MYRIP: variants seen among roughly 807,000 people sequenced by gnomAD.
MYRIP encodes the protein myosin VIIA and Rab interacting protein, also known as rab effector MyRIP.
MYRIP carries 49 observed loss-of-function variants against 98.0 expected under a neutral mutation model. That is an observed-to-expected ratio of 0.50 (90% CI 0.40 to 0.63). The LOEUF (loss-of-function observed/expected upper bound fraction) is 0.63. Among genes scored for constraint, MYRIP ranks in the 30% least tolerant of loss-of-function variants. The pLI is 0.00. For missense variants in MYRIP, 1,004 were observed against 1,058.2 expected (o/e 0.95, Z 0.71); for synonymous variants, 404 against 409.5 (o/e 0.99, Z 0.16).
intron 2 of MYRIP, among the ~76,000 whole-genome samples, chr3:39,931,943 G>A (rs2034958): frequency 0.66 from 100,568 of 152,068 alleles, 35,148 homozygotes; most frequent in African/African-American, 0.9. Flanking sequence ...ATCTATATTC[G>A]TAAGGAATAT....
intron 16 of MYRIP, among the ~76,000 whole-genome samples, chr3:40,256,697 A>C (rs1245706971): frequency 1.3e-5 from 2 of 152,194 alleles, no homozygotes; most frequent in African/African-American, 2.4e-5. Context: ...AAACTAACTT[A>C]AGAAATAAAA....
chr3:40,208,940 A>G (rs968567928), intron 10 of MYRIP: 2 of 152,360 alleles, frequency 1.3e-5, no homozygotes, highest in South Asian at 2.1e-4. Flanking sequence ...GATAGAAGGA[A>G]TGAGTTCTTA....
chr3:40,073,067 A>G (rs1191993772), intron 3 of MYRIP, among the ~76,000 whole-genome samples: 5 of 152,210 alleles, frequency 3.3e-5, no homozygotes, highest in Non-Finnish European at 7.3e-5. Context: ...AACGTACAAG[A>G]GAAATTAGAA....
chr3:39,918,890 T>C (rs1329488754), intron 2 of MYRIP, among the ~76,000 whole-genome samples: 1 of 152,134 alleles, frequency 6.6e-6, no homozygotes, highest in Non-Finnish European at 1.5e-5. Context: ...TCAGGGAGAC[T>C]AGATGGTAAA....
intron 3 of MYRIP, among the ~76,000 whole-genome samples, chr3:40,096,818 C>T (rs760706053): frequency 2.6e-5 from 4 of 152,198 alleles, no homozygotes; most frequent in Non-Finnish European, 5.9e-5. Flanking sequence ...AAACTTTCTT[C>T]ACCAGGCAAA....
At chr3:39,948,661 AAG>A (rs1208068953) in intron 2 of MYRIP, among the ~76,000 whole-genome samples, 1 of 152,096 alleles carries the variant, frequency 6.6e-6, no homozygotes, top group Admixed American at 6.6e-5. Flanking sequence ...TTAAGAGTCA[AAG>A]AGAGGATTGA....
At chr3:39,810,048 G>C (rs1230313990) in intron 1 of MYRIP, 132 bp downstream of exon 1, 1 of 152,374 alleles carries the variant, frequency 6.6e-6, no homozygotes, top group Non-Finnish European at 1.5e-5. Context: ...CACCCTGTGC[G>C]CGTCCGGAGC....
chr3:39,989,744 C>CT (rs1451494387), intron 2 of MYRIP, among the ~76,000 whole-genome samples: 1 of 152,224 alleles, frequency 6.6e-6, no homozygotes, highest in African/African-American at 2.4e-5. Context: ...TAGGGAGGCC[C>CT]TGCCTTGATG....
chr3:40,077,327 C>A (rs1366556545), intron 3 of MYRIP, among the ~76,000 whole-genome samples: 9 of 152,218 alleles, frequency 5.9e-5, no homozygotes, highest in Admixed American at 5.9e-4. Context: ...ATTCTCTTAT[C>A]TGGCCCCACC....
At chr3:39,820,207 C>T (rs987429502) in intron 1 of MYRIP, among the ~76,000 whole-genome samples, 1 of 152,210 alleles carries the variant, frequency 6.6e-6, no homozygotes, top group African/African-American at 2.4e-5. Context: ...TCTTCTGACA[C>T]TGAATCCTGG....
At chr3:39,999,761 G>C (rs577644718) in intron 2 of MYRIP, among the ~76,000 whole-genome samples, 1 of 152,172 alleles carries the variant, frequency 6.6e-6, no homozygotes, top group Non-Finnish European at 1.5e-5. Flanking sequence ...CGATAGCAAA[G>C]ACTTGGAACC....
Position 40,250,325 on chromosome 3 carries a change from A to G in MYRIP, c.2366A>G (p.Gln789Arg). 1 of 1,613,826 alleles carries G rather than the reference A, an allele frequency of 6.2e-7. No homozygotes were observed. Among genetic ancestry groups the G allele is most frequent in the South Asian group, 1.1e-5 (1 of 91,076 alleles). ...TRRRDQKQRT[Q>R]VQTIDTSRQQ... ...AGACGGGATCAGAAGCAAAGGACCC[A>G]GGTGTGTTTGTCCCTTTCTCCCTCT... The change falls in exon 14 of 17, where the codon CAG (glutamine) becomes CGG (arginine). Residue 789 changes from glutamine to arginine, a missense_variant and splice_region_variant. This residue lies in a region of MYRIP where 108 missense variants were observed against 111.1 expected (regional missense o/e 0.97). Transcript: ENST00000302541.
At chr3:40,120,467 G>C (rs770474371) in intron 3 of MYRIP, among the ~76,000 whole-genome samples, 3 of 152,216 alleles carry the variant, frequency 2.0e-5, no homozygotes, top group Non-Finnish European at 4.4e-5. Context: ...GCTCACATCA[G>C]TGTGTCAGGA....
chr3:40,057,319 G>A (rs562069183), intron 3 of MYRIP, among the ~76,000 whole-genome samples: 37 of 152,314 alleles, frequency 2.4e-4, no homozygotes, highest in African/African-American at 6.7e-4. Context: ...ACTCATCAAA[G>A]CCGGCTTGTT....
At chr3:39,855,924 C>A (rs763075613) in intron 1 of MYRIP, among the ~76,000 whole-genome samples, 4 of 152,278 alleles carry the variant, frequency 2.6e-5, no homozygotes, top group Non-Finnish European at 5.9e-5. Context: ...CTGCTGGCTG[C>A]CTTCTTGAGG....
chr3:40,132,661 G>C lies in MYRIP; in HGVS notation c.333-18387G>C, dbSNP rs187279220. Among the ~76,000 whole-genome samples, 10 of 152,366 alleles carry C rather than the reference G, an allele frequency of 6.6e-5. No homozygotes were observed. The East Asian group carries it at 1.9e-3, about 29-fold the overall frequency. ...GACTCTTTGGGAAGCCCCACCCTGG[G>C]GGCATGAGAGTACTACCTAGCCTTT... On this transcript the variant is annotated intron_variant, in intron 3 of 16. Transcript: ENST00000302541.
chr3:40,093,234 T>G (rs543731279), intron 3 of MYRIP, among the ~76,000 whole-genome samples: 5 of 152,322 alleles, frequency 3.3e-5, no homozygotes, highest in African/African-American at 1.2e-4. Flanking sequence ...ATCCACCTTA[T>G]GTACAGTCCA....
intron 11 of MYRIP, among the ~76,000 whole-genome samples, chr3:40,211,566 T>C (rs1263819248): frequency 6.6e-6 from 1 of 152,182 alleles, no homozygotes; most frequent in Non-Finnish European, 1.5e-5. Context: ...CTCCAACCTA[T>C]TGCAAATGGT....
At chr3:39,912,177 G>A (rs1013088976) in intron 2 of MYRIP, among the ~76,000 whole-genome samples, 7 of 152,100 alleles carry the variant, frequency 4.6e-5, no homozygotes, top group Non-Finnish European at 7.4e-5. Context: ...ATCGGTGGGT[G>A]TGGGCCTAAG....
Sources: allele counts gnomAD v4.1 joint callset (sites outside exome capture counted in the v4.1 genomes callset), GRCh38; gene constraint gnomAD v4.1.1; regional missense constraint gnomAD v4.1.1; transcripts MANE v1.5; gene names NCBI Gene and HGNC (gene_info 2026-07-23, HGNC 2026-07-21).